The following RIGI variants were observed in gnomAD, a reference collection of about 807,000 sequenced individuals.
RIGI encodes RNA sensor RIG-I.
At chr9:32,476,265 G>A in the RIGI span, among the ~76,000 whole-genome samples, 1 of 152,170 alleles carries the variant, frequency 6.6e-6, no homozygotes, top group Admixed American at 6.5e-5. Flanking sequence ...AGAGGGCAAG[G>A]TGGGAGGATT....
chr9:32,508,107 C>T, the RIGI span, among the ~76,000 whole-genome samples: 1 of 151,938 alleles, frequency 6.6e-6, no homozygotes, highest in Non-Finnish European at 1.5e-5. Context: ...TTTAAAACTA[C>T]AGAAGCAAGT....
At chr9:32,517,896 T>A in the RIGI span, among the ~76,000 whole-genome samples, 3 of 152,210 alleles carry the variant, frequency 2.0e-5, no homozygotes, top group African/African-American at 7.2e-5. Flanking sequence ...ATGCTGTAAA[T>A]GAACTTTTGG....
At chr9:32,487,725 G>GT in the RIGI span, 2 of 1,443,302 alleles carry the variant, frequency 1.4e-6, no homozygotes, top group Non-Finnish European at 9.4e-7. Flanking sequence ...GGGGTAGGGC[G>GT]TTTTTTTGTT....
the RIGI span, among the ~76,000 whole-genome samples, chr9:32,514,991 G>C: frequency 6.6e-6 from 1 of 151,996 alleles, no homozygotes; most frequent in Admixed American, 6.6e-5. Context: ...ATATAAAATA[G>C]GGGCAACTTT....
chr9:32,480,780 C>G, the RIGI span, among the ~76,000 whole-genome samples: 2 of 152,192 alleles, frequency 1.3e-5, no homozygotes, highest in East Asian at 3.9e-4. Context: ...CTGACCACAT[C>G]CATCAAATGT....
chr9:32,492,627 A>G, the RIGI span: 2 of 1,490,626 alleles, frequency 1.3e-6, no homozygotes, highest in Non-Finnish European at 1.8e-6. Context: ...GTCATGTACT[A>G]TCTGATTTAA....
chr9:32,500,806 T>G, the RIGI span: 1 of 1,612,494 alleles, frequency 6.2e-7, no homozygotes, highest in Non-Finnish European at 8.5e-7. Context: ...TGAACTAACC[T>G]GCATGGTCTA....
At chr9:32,506,457 C>G in the RIGI span, among the ~76,000 whole-genome samples, 1 of 152,156 alleles carries the variant, frequency 6.6e-6, no homozygotes, top group African/African-American at 2.4e-5. Context: ...TGTGGGATTT[C>G]TTCCACCTTT....
the RIGI span, chr9:32,500,933 A>G: frequency 6.2e-6 from 10 of 1,613,226 alleles, no homozygotes; most frequent in Middle Eastern, 1.6e-4. Flanking sequence ...AATATACTGC[A>G]CCTCTTCTAC....
chr9:32,485,287 C>T, the RIGI span: 111 of 1,514,682 alleles, frequency 7.3e-5, 2 homozygotes, highest in East Asian at 6.1e-4. Context: ...AAACTAGAGA[C>T]GTCAAAAAAA....
chr9:32,506,836 T>C, the RIGI span, among the ~76,000 whole-genome samples: 1 of 152,218 alleles, frequency 6.6e-6, no homozygotes, highest in Admixed American at 6.5e-5. Flanking sequence ...TTGCAATTAC[T>C]TCAGTCAAAT....
chr9:32,485,204 C>T, the RIGI span: 1 of 1,606,852 alleles, frequency 6.2e-7, no homozygotes, highest in Middle Eastern at 1.7e-4. Context: ...CTTTGCCAGA[C>T]TCTCTGTGTC....
the RIGI span, among the ~76,000 whole-genome samples, chr9:32,509,236 G>A: frequency 6.6e-6 from 1 of 152,236 alleles, no homozygotes; most frequent in Non-Finnish European, 1.5e-5. Context: ...TCCCAGCACA[G>A]TGCTTGAGCT....
chr9:32,519,412 C>T, the RIGI span, among the ~76,000 whole-genome samples: 116 of 152,256 alleles, frequency 7.6e-4, no homozygotes, highest in Admixed American at 2.3e-3. Context: ...TTGGTGGACA[C>T]CAGCCTTTAA....
the RIGI span, among the ~76,000 whole-genome samples, chr9:32,503,022 A>G: frequency 6.6e-6 from 1 of 152,158 alleles, no homozygotes; most frequent in Non-Finnish European, 1.5e-5. Flanking sequence ...GGGGGACACA[A>G]TTCAACTCAT....
At chr9:32,459,373 C>CT in the RIGI span, 1 of 1,612,798 alleles carries the variant, frequency 6.2e-7, no homozygotes, top group Non-Finnish European at 8.5e-7. Flanking sequence ...CAGCTTACCT[C>CT]TATCACTCTT....
the RIGI span, among the ~76,000 whole-genome samples, chr9:32,521,139 C>CAAAAAAAAAAA: frequency 0.017 from 549 of 32,770 alleles, 131 homozygotes; most frequent in African/African-American, 0.055. Flanking sequence ...GACACCATCT[C>CAAAAAAAAAAA]AAAAAAAAAA....
At chr9:32,495,832 C>A in the RIGI span, among the ~76,000 whole-genome samples, 2 of 151,464 alleles carry the variant, frequency 1.3e-5, no homozygotes, top group Non-Finnish European at 3.0e-5. Flanking sequence ...GCTATGTGTA[C>A]TTTTAGTAGA....
the RIGI span, among the ~76,000 whole-genome samples, chr9:32,479,616 C>G: frequency 6.6e-6 from 1 of 151,996 alleles, no homozygotes; most frequent in Non-Finnish European, 1.5e-5. Context: ...ACGGGTGGAT[C>G]ACTTGAGGTC....
Sources: gnomAD v4.1 joint callset for allele counts (sites outside exome capture counted in the v4.1 genomes callset) on GRCh38, gnomAD v4.1.1 for gene constraint, MANE v1.5 for transcripts, NCBI Gene and HGNC (gene_info 2026-07-23, HGNC 2026-07-21) for gene names.